KIF6: variants seen among roughly 807,000 people sequenced by gnomAD.
KIF6 encodes kinesin family member 6, also known as kinesin-like protein KIF6.
In KIF6, 106 loss-of-function variants were observed where a neutral mutation model predicts 112.7. The observed-to-expected ratio is 0.94, with a 90% CI of 0.80 to 1.11. KIF6 has a LOEUF of 1.11. KIF6 is among the 50% of genes least tolerant of loss of function. KIF6 has a pLI of 0.00. For synonymous variants in KIF6, 339 were observed against 339.9 expected (o/e 1.00, Z 0.03); for missense variants, 929 against 964.0 (o/e 0.96, Z 0.48).
intron 13 of KIF6, among the ~76,000 whole-genome samples, chr6:39,468,185 A>G (rs1029854936): frequency 6.6e-6 from 1 of 152,072 alleles, no homozygotes; most frequent in Non-Finnish European, 1.5e-5. Flanking sequence ...GAAAAAAAAA[A>G]GAATAAAGCA....
intron 5 of KIF6, among the ~76,000 whole-genome samples, chr6:39,613,566 T>C (rs776822773): frequency 9.2e-5 from 14 of 152,220 alleles, no homozygotes; most frequent in Admixed American, 6.5e-4. Context: ...GTCATTGTAA[T>C]AATCAGATCG....
chr6:39,430,772 T>C (rs1303419801), intron 14 of KIF6, among the ~76,000 whole-genome samples: 2 of 152,266 alleles, frequency 1.3e-5, no homozygotes, highest in African/African-American at 4.8e-5. Flanking sequence ...TACAGGCTGA[T>C]GAGAATGAAT....
At chr6:39,526,524 C>G (rs764999598) in intron 13 of KIF6, among the ~76,000 whole-genome samples, 1 of 152,194 alleles carries the variant, frequency 6.6e-6, no homozygotes, top group Non-Finnish European at 1.5e-5. Context: ...ACAAAGACTA[C>G]TAGACAAAAC....
chr6:39,518,245 CAT>C (rs1387282461), intron 13 of KIF6, among the ~76,000 whole-genome samples: 3 of 152,128 alleles, frequency 2.0e-5, no homozygotes, highest in East Asian at 3.9e-4. Context: ...AGTATGTGCA[CAT>C]GTGTGCCTTG....
intron 16 of KIF6, among the ~76,000 whole-genome samples, chr6:39,369,649 C>A (rs1171870229): frequency 6.6e-6 from 1 of 152,192 alleles, no homozygotes; most frequent in Non-Finnish European, 1.5e-5. Flanking sequence ...TCCTTCTCAC[C>A]AGCATGTTCT....
At chr6:39,354,452 T>C (rs1764490023) in intron 19 of KIF6, among the ~76,000 whole-genome samples, 1 of 152,188 alleles carries the variant, frequency 6.6e-6, no homozygotes, top group Non-Finnish European at 1.5e-5. Context: ...CCTCATCCCA[T>C]ATGCAAAGAC....
chr6:39,619,103 C>G (rs547029901), intron 5 of KIF6, among the ~76,000 whole-genome samples: 2 of 152,284 alleles, frequency 1.3e-5, no homozygotes, highest in East Asian at 3.9e-4. Context: ...CTGCAACCTA[C>G]AACACCAAGT....
chr6:39,442,739 G>A (rs1042497914), intron 13 of KIF6, among the ~76,000 whole-genome samples: 14 of 152,194 alleles, frequency 9.2e-5, no homozygotes, highest in Non-Finnish European at 1.6e-4. Context: ...CTGAGTGGAA[G>A]AACGCGTGTG....
At chr6:39,500,573 T>C (rs1776067573) in intron 13 of KIF6, among the ~76,000 whole-genome samples, 1 of 152,222 alleles carries the variant, frequency 6.6e-6, no homozygotes, top group African/African-American at 2.4e-5. Flanking sequence ...TGTTACAATC[T>C]GAGGCAAGTT....
intron 15 of KIF6, among the ~76,000 whole-genome samples, chr6:39,413,956 C>A (rs1057239384): frequency 1.3e-5 from 2 of 152,116 alleles, no homozygotes; most frequent in African/African-American, 4.8e-5. Context: ...TTTAATAAAT[C>A]AAAAATTACT....
intron 5 of KIF6, among the ~76,000 whole-genome samples, chr6:39,626,663 AT>A (rs972295566): frequency 3.3e-5 from 5 of 152,154 alleles, no homozygotes; most frequent in Admixed American, 2.6e-4. Flanking sequence ...CTGGTTCACT[AT>A]CCTCTTTGGA....
At chr6:39,670,144 C>T (rs1213544542) in intron 3 of KIF6, among the ~76,000 whole-genome samples, 1 of 152,146 alleles carries the variant, frequency 6.6e-6, no homozygotes, top group African/African-American at 2.4e-5. Context: ...GGAGAAGGAA[C>T]AGAAACCCCA....
At chr6:39,643,861 C>G (rs1042695009) in intron 3 of KIF6, among the ~76,000 whole-genome samples, 9 of 151,984 alleles carry the variant, frequency 5.9e-5, no homozygotes, top group Non-Finnish European at 1.2e-4. Flanking sequence ...TCAAAAGACA[C>G]AATCAAGTAA....
At chr6:39,385,452 T>A (rs1441941858) in intron 16 of KIF6, among the ~76,000 whole-genome samples, 170 bp downstream of exon 16, 3 of 152,050 alleles carry the variant, frequency 2.0e-5, no homozygotes, top group African/African-American at 7.2e-5. Context: ...GGGAAACAGA[T>A]CCTGTTAGAG....
At chr6:39,380,263 G>A (rs534818485) in intron 16 of KIF6, among the ~76,000 whole-genome samples, 74 of 152,156 alleles carry the variant, frequency 4.9e-4, no homozygotes, top group Middle Eastern at 3.2e-3. Context: ...CCCTGATGAT[G>A]TTCTTAGAGA....
intron 6 of KIF6, among the ~76,000 whole-genome samples, chr6:39,600,792 A>T (rs1387410633): frequency 6.6e-6 from 1 of 152,170 alleles, no homozygotes; most frequent in Non-Finnish European, 1.5e-5. Flanking sequence ...TAAAAATCAC[A>T]CACCAAAAAT....
intron 13 of KIF6, among the ~76,000 whole-genome samples, chr6:39,443,771 T>A (rs151171140): frequency 0.011 from 1,652 of 152,202 alleles, 28 homozygotes; most frequent in African/African-American, 0.038. Flanking sequence ...AAAAGAGAAT[T>A]AAAGAATTGC....
intron 5 of KIF6, among the ~76,000 whole-genome samples, chr6:39,621,600 G>GTT (rs956200605): frequency 2.6e-5 from 4 of 152,158 alleles, no homozygotes; most frequent in Non-Finnish European, 2.9e-5. Context: ...AAGGACACCT[G>GTT]TTTATGTTTG....
intron 3 of KIF6, among the ~76,000 whole-genome samples, chr6:39,674,794 G>A (rs1787038971): frequency 6.7e-6 from 1 of 149,062 alleles, no homozygotes; most frequent in Admixed American, 6.8e-5. Flanking sequence ...CTCAGGGCTG[G>A]GAGGTAAAAC....
Sources: allele counts gnomAD v4.1 joint callset (sites outside exome capture counted in the v4.1 genomes callset), GRCh38; gene constraint gnomAD v4.1.1; transcripts MANE v1.5; gene names NCBI Gene and HGNC (gene_info 2026-07-23, HGNC 2026-07-21).